Variants in ANKS1B observed in about 807,000 individuals in gnomAD.
ANKS1B encodes the protein ankyrin repeat and sterile alpha motif domain-containing protein 1B.
ANKS1B carries 36 observed loss-of-function variants against 148.3 expected under a neutral mutation model. That is an observed-to-expected ratio of 0.24 (90% CI 0.19 to 0.32). The LOEUF is 0.32. Ranked by LOEUF, ANKS1B falls within the 10% of genes least tolerant of loss-of-function variation. The pLI is 1.00. For missense variants in ANKS1B, 1,157 were observed against 1,542.6 expected (o/e 0.75, Z 4.19); for synonymous variants, 542 against 560.8 (o/e 0.97, Z 0.47).
intron 17 of ANKS1B, among the ~76,000 whole-genome samples, chr12:98,898,011 C>A (rs143075332): frequency 6.6e-6 from 1 of 151,998 alleles, no homozygotes; most frequent in Non-Finnish European, 1.5e-5. Context: ...ACAATAGGTA[C>A]AAATGGACAT....
rs767890319 is a variant in ANKS1B, at chr12:98,773,178, T to C, written c.3443A>G (p.Asn1148Ser). Residue 1148 changes from asparagine (N) to serine (S), a missense_variant and splice_region_variant, in exon 25 of 27, where the codon AAC (asparagine) becomes AGC (serine). This residue lies in a region of ANKS1B where 258 missense variants were observed against 497.0 expected (regional missense o/e 0.52). Transcript: ENST00000683438. Reference protein sequence around the residue: ...GVKFIDATNKNIIAEHEIRNI... With the variant: ...GVKFIDATNKSIIAEHEIRNI... ...ACGAATTTCATGCTCAGCAATTATG[T>C]TCTGGAAGAAATGACATAAATGATC... is the stretch of plus-strand genomic sequence containing the variant. 2 of 1,605,194 alleles carry C rather than the reference T, an allele frequency of 1.2e-6. No individual in the cohort carries two copies. The highest frequency in any genetic ancestry group is 1.1e-5 in the South Asian group (1 of 89,268).
chr12:99,749,255 T>A (rs913858122), intron 8 of ANKS1B, among the ~76,000 whole-genome samples: 2 of 152,076 alleles, frequency 1.3e-5, no homozygotes, highest in Non-Finnish European at 2.9e-5. Context: ...CAAAATGTGA[T>A]CAAACTTAGA....
intron 15 of ANKS1B, among the ~76,000 whole-genome samples, chr12:99,150,590 T>C (rs906810039): frequency 3.9e-5 from 6 of 152,014 alleles, no homozygotes; most frequent in Non-Finnish European, 5.9e-5. Context: ...TAAGAATAGA[T>C]TCTTTGGGAC....
intron 16 of ANKS1B, among the ~76,000 whole-genome samples, chr12:99,069,703 C>G: frequency 6.6e-6 from 1 of 152,144 alleles, no homozygotes; most frequent in East Asian, 1.9e-4. Flanking sequence ...CTTGGGTACT[C>G]GTTTCCTTTG....
chr12:99,106,580 A>T (rs538743078), intron 15 of ANKS1B, among the ~76,000 whole-genome samples: 14 of 152,360 alleles, frequency 9.2e-5, no homozygotes, highest in African/African-American at 3.4e-4. Flanking sequence ...GTCTTTTTTT[A>T]AATGGGTACT....
rs538236342 is a variant in ANKS1B, at chr12:99,637,598, C to T, written c.1272+17469G>A. ...GCTAGGATAAAAGCAGGCAGAAGAA[C>T]GTGAAAAGAATATGCTGGCTTAGCC... is the stretch of plus-strand genomic sequence containing the variant. On this transcript the variant is annotated intron_variant, in intron 9 of 26. Coordinates refer to ENST00000683438, the MANE Select transcript of ANKS1B (RefSeq NM_001352186.2). Among the ~76,000 whole-genome samples, 15 of 152,058 alleles carry T rather than the reference C, an allele frequency of 9.9e-5. 1 individual carries two copies. The South Asian group carries it at 1.0e-3, about 11-fold the overall frequency.
At chr12:99,543,540 T>C (rs1431635254) in intron 9 of ANKS1B, among the ~76,000 whole-genome samples, 1 of 152,112 alleles carries the variant, frequency 6.6e-6, no homozygotes, top group Non-Finnish European at 1.5e-5. Context: ...CATAGCAGCA[T>C]TGCTCAAAAT....
intron 17 of ANKS1B, among the ~76,000 whole-genome samples, chr12:99,003,828 C>A (rs1451383849): frequency 6.6e-6 from 1 of 152,134 alleles, no homozygotes; most frequent in Non-Finnish European, 1.5e-5. Context: ...GGCTAACAAA[C>A]ATTCCAAGCC....
chr12:99,169,764 C>T (rs1030713746), intron 14 of ANKS1B, among the ~76,000 whole-genome samples: 4 of 152,180 alleles, frequency 2.6e-5, no homozygotes, highest in African/African-American at 9.7e-5. Flanking sequence ...TTGTTATCAT[C>T]TCCTTTTATA....
chr12:99,488,703 A>G (rs2096526488), intron 10 of ANKS1B, among the ~76,000 whole-genome samples: 1 of 152,132 alleles, frequency 6.6e-6, no homozygotes, highest in Admixed American at 6.6e-5. Flanking sequence ...CCACTGCTGG[A>G]CCAAGTCACG....
In ANKS1B at chr12:99,779,888, A is replaced by G; in HGVS notation, c.830T>C (p.Ile277Thr). 1 of 1,612,848 alleles carries G rather than the reference A, an allele frequency of 6.2e-7. No individual in the cohort carries two copies. The highest frequency in any genetic ancestry group is 8.5e-7 in the Non-Finnish European group (1 of 1,179,210). Reference protein sequence around the residue: ...KEHPSQKSLQIATLLQEYLEG... With the variant: ...KEHPSQKSLQTATLLQEYLEG... ...CTGTTTACCTTGTAAGAGTGTTGCA[A>G]TCTGGAGAGATTTCTGAGATGGATG... The change falls in exon 6 of 27, where the codon ATT (isoleucine) becomes ACT (threonine). Residue 277 changes from isoleucine (I) to threonine (T), a missense_variant. Physicochemically the swap from Ile to Thr is moderately conservative, Grantham distance 89. Around this residue, in one of 6 missense-constraint regions of ANKS1B, gnomAD observed 661 missense variants for 642.1 expected, o/e 1.03. Transcript: ENST00000683438.
At chr12:98,911,327 A>G (rs1482644782) in intron 17 of ANKS1B, among the ~76,000 whole-genome samples, 1 of 152,164 alleles carries the variant, frequency 6.6e-6, no homozygotes, top group East Asian at 1.9e-4. Flanking sequence ...GACCTAAAGA[A>G]AGCATTATAC....
At chr12:99,703,240 T>C (rs553709768) in intron 8 of ANKS1B, among the ~76,000 whole-genome samples, 41 of 152,224 alleles carry the variant, frequency 2.7e-4, no homozygotes, top group Non-Finnish European at 4.3e-4. Flanking sequence ...TGAGATGGCA[T>C]AAAGTGGCCA....
intron 12 of ANKS1B, among the ~76,000 whole-genome samples, chr12:99,362,415 C>T (rs1037884638): frequency 3.3e-5 from 5 of 151,884 alleles, no homozygotes; most frequent in Admixed American, 6.6e-5. Flanking sequence ...GGTTTAGAAA[C>T]ATAAAATACA....
intron 14 of ANKS1B, among the ~76,000 whole-genome samples, chr12:99,231,771 A>G (rs571014383): frequency 6.6e-6 from 1 of 152,156 alleles, no homozygotes; most frequent in Non-Finnish European, 1.5e-5. Flanking sequence ...ATAAGCAAAC[A>G]TGAGGGGCTT....
chr12:99,032,569 T>C (rs2099952906), intron 17 of ANKS1B, among the ~76,000 whole-genome samples: 1 of 152,232 alleles, frequency 6.6e-6, no homozygotes, highest in Non-Finnish European at 1.5e-5. Context: ...CCTATCCTGT[T>C]AATCCAAGAT....
chr12:99,963,740 C>T (rs778192439), intron 1 of ANKS1B, among the ~76,000 whole-genome samples: 7 of 152,120 alleles, frequency 4.6e-5, no homozygotes, highest in Non-Finnish European at 8.8e-5. Flanking sequence ...ACTTACTGTC[C>T]TGGTTCATTT....
At chr12:98,901,560 T>C (rs1266439332) in intron 17 of ANKS1B, among the ~76,000 whole-genome samples, 9 of 152,210 alleles carry the variant, frequency 5.9e-5, no homozygotes, top group Non-Finnish European at 1.5e-5. Context: ...AAATATGGAT[T>C]TATAATCATG....
chr12:99,744,247 AT>A (rs2060382876), intron 8 of ANKS1B, among the ~76,000 whole-genome samples: 1 of 152,196 alleles, frequency 6.6e-6, no homozygotes. Context: ...TAATAGATTA[AT>A]TTCTCCTTTT....
Sources: gnomAD v4.1 joint callset for allele counts (sites outside exome capture counted in the v4.1 genomes callset) on GRCh38, gnomAD v4.1.1 for gene constraint, gnomAD v4.1.1 regional missense constraint, MANE v1.5 for transcripts, NCBI Gene and HGNC (gene_info 2026-07-23, HGNC 2026-07-21) for gene names.